The following SBNO1 variants were observed in gnomAD, a reference collection of about 807,000 sequenced individuals.
The protein encoded by SBNO1 is protein strawberry notch homolog 1.
In SBNO1, 23 loss-of-function variants were observed where a neutral mutation model predicts 173.6. That is an observed-to-expected ratio of 0.13 (90% CI 0.10 to 0.19). The LOEUF (loss-of-function observed/expected upper bound fraction) is 0.19. SBNO1 is among the 10% of genes least tolerant of loss of function. The pLI is 1.00. For synonymous variants in SBNO1, 632 were observed against 571.5 expected, an observed-to-expected ratio of 1.11 and a Z score of -1.51; for missense variants, 1,238 against 1,671.2, an observed-to-expected ratio of 0.74 and a Z score of 4.52.
rs2048543043 is a variant in SBNO1 at position 123,293,637 on chromosome 12, A to G, written c.*2271T>C. 4.6e-5 allele frequency: 7 copies of G among 152,110 alleles called. No homozygotes were observed. Among genetic ancestry groups the G allele is most frequent in the Admixed American group, 4.6e-4 (7 of 15,254 alleles). The allele number at this position is 152,110 out of a possible 1,614,324, so 9.4% of individuals were successfully genotyped here. A position where few individuals can be genotyped will look rare whatever the true frequency, so the allele number is the denominator to read the frequency against. ...TGAGAAAAAAAAATAGCTGTTCTAC[A>G]AAGAACCTAAGATACATACACTCCT... On this transcript the variant is annotated 3_prime_UTR_variant, in exon 32 of 32. Transcript: ENST00000602398.
At position 123,346,738 on chromosome 12, in the gene SBNO1, T is replaced by C. The variant is rs145903175; in HGVS notation, c.238-1168A>G. On this transcript the variant is annotated intron_variant, in intron 3 of 31. Transcript: ENST00000602398. ...CTTTTTTCAATATTTTGACTTGTCA[T>C]CAATGACCGTGTTATATATCTTCAC... Among the ~76,000 whole-genome samples, 1,346 of 152,144 alleles carry C rather than the reference T, an allele frequency of 8.8e-3. 23 individuals carry two copies. The highest frequency in any genetic ancestry group is 0.031 in the Middle Eastern group (9 of 294).
rs1385460831 is a variant in SBNO1, at chr12:123,298,119, G to A, written c.3898C>T (p.Arg1300Cys). ...SLGLVCEIGLRCRTYYVLCGS... is the reference protein window; with the variant it reads ...SLGLVCEIGLCCRTYYVLCGS... The stretch of plus-strand genomic sequence containing the variant: ...CATAATACATAATATGTACGGCAAC[G>A]AAGACCTATTTCACAAACTAGCCCC... The change falls in exon 31 of 32, where the codon CGT (arginine) becomes TGT (cysteine). Residue 1300 changes from arginine to cysteine, a missense_variant. Physicochemically the swap from Arg to Cys is radical, Grantham distance 180. Transcript: ENST00000602398. The A allele has an allele frequency of 4.3e-6, 7 of 1,610,996 alleles. No homozygotes were observed. The highest frequency in any genetic ancestry group is 2.7e-5 in the African/African-American group (2 of 74,748).
chr12:123,308,059 G>T (rs888260574), intron 28 of SBNO1, among the ~76,000 whole-genome samples: 1 of 151,998 alleles, frequency 6.6e-6, no homozygotes, highest in Non-Finnish European at 1.5e-5. Flanking sequence ...GCGACAGATT[G>T]AAACTGCCTC....
chr12:123,308,069 C>CA (rs1004466713), intron 28 of SBNO1, among the ~76,000 whole-genome samples: 3 of 152,034 alleles, frequency 2.0e-5, no homozygotes, highest in Non-Finnish European at 4.4e-5. Context: ...GAAACTGCCT[C>CA]AAAAAACAAA....
rs11057259 is a variant in SBNO1 at position 123,311,740 on chromosome 12, A to C, written c.3221-611T>G. On this transcript the variant is annotated intron_variant, in intron 24 of 31. Coordinates refer to ENST00000602398, the MANE Select transcript of SBNO1 (RefSeq NM_001167856.3). The stretch of plus-strand genomic sequence containing the variant: ...TCTATCTATATATATATATATATAT[A>C]TATATATATTTTTGCGACAGAGTCT... Among the ~76,000 whole-genome samples the C allele has an allele frequency of 2.8e-3, 336 of 121,202 alleles. 4 individuals carry two copies. In the South Asian group the frequency reaches 0.035, roughly 12 times the overall value. 79.5% of individuals were successfully genotyped at this position (121,202 alleles called of 152,430 possible).
intron 1 of SBNO1, among the ~76,000 whole-genome samples, chr12:123,355,920 G>T (rs1465800199): frequency 6.6e-6 from 1 of 152,156 alleles, no homozygotes; most frequent in Non-Finnish European, 1.5e-5. Context: ...GGCAGGAAGA[G>T]AATACTGAGA....
chr12:123,315,636 A>G lies in SBNO1; in HGVS notation c.2960T>C (p.Val987Ala). ...QFGRTHRSNQ[V>A]TAPEYVFLIS... ...CAGAAAGACATACTCAGGAGCAGTA[A>G]CTTGGTTTGATCTATGAGTACGTCC... is the stretch of plus-strand genomic sequence containing the variant. The change falls in exon 22 of 32, where the codon GTT becomes GCT. Residue 987 changes from valine (V) to alanine (A), a missense_variant. Val to Ala is a moderately conservative substitution (Grantham distance 64). Around this residue, in one of 14 missense-constraint regions of SBNO1, gnomAD observed 39 missense variants for 129.7 expected, o/e 0.30. Coordinates refer to ENST00000602398, the MANE Select transcript of SBNO1 (RefSeq NM_001167856.3). 1 of 1,613,536 alleles carries G rather than the reference A, an allele frequency of 6.2e-7. No individual in the cohort carries two copies. Among genetic ancestry groups the G allele is most frequent in the South Asian group, 1.1e-5 (1 of 91,072 alleles).
chr12:123,297,455 G>A (rs371169264), intron 31 of SBNO1, among the ~76,000 whole-genome samples: 5 of 112,526 alleles, frequency 4.4e-5, no homozygotes, highest in South Asian at 3.2e-4. Flanking sequence ...ATGAACTCCC[G>A]ATATGCAATC....
At chr12:123,313,747 C>A in intron 23 of SBNO1, 28 bp from the exon 24 acceptor site, 1 of 1,346,976 alleles carries the variant, frequency 7.4e-7, no homozygotes, top group Non-Finnish European at 1.1e-6. Flanking sequence ...AACCTTTAAC[C>A]AGTTTCAGCA....
At chr12:123,338,532 G>A (rs7952835) in intron 5 of SBNO1, among the ~76,000 whole-genome samples, 144,798 of 152,040 alleles carry the variant, frequency 0.95, 69,076 homozygotes, top group Non-Finnish European at 0.96. Flanking sequence ...AAATACAAAA[G>A]AAAATTAGCA....
At chr12:123,318,914 C>G (rs1869627280) in intron 20 of SBNO1, among the ~76,000 whole-genome samples, 1 of 150,986 alleles carries the variant, frequency 6.6e-6, no homozygotes, top group Non-Finnish European at 1.5e-5. Context: ...ATATTTTAGT[C>G]TCAAAATCGG....
chr12:123,336,462 T>C lies in SBNO1; in HGVS notation c.681A>G (p.Glu227=). The change falls in exon 6 of 32, where the codon GAA becomes GAG. Residue 227 remains glutamate (E), a synonymous_variant. Transcript: ENST00000602398. ...MKVPVVKEDD[E]PEEEDEEEMG... ...TTTCTTCTTCATCTTCTTCCTCTGG[T>C]TCATCATCTTCTTTTACAACAGGAA... The C allele has an allele frequency of 6.2e-7, 1 of 1,612,606 alleles. No individual in the cohort carries two copies. The highest frequency in any genetic ancestry group is 8.5e-7 in the Non-Finnish European group (1 of 1,179,242).
chr12:123,347,101 A>G (rs1474723525), intron 3 of SBNO1, among the ~76,000 whole-genome samples: 2 of 151,162 alleles, frequency 1.3e-5, no homozygotes, highest in African/African-American at 2.4e-5. Context: ...AAGAAACAAG[A>G]ATGAAAGAAA....
chr12:123,348,093 T>C lies in SBNO1; in HGVS notation c.173A>G (p.Glu58Gly). The change falls in exon 3 of 32, where the codon GAA becomes GGA. Residue 58 changes from glutamate (E) to glycine (G), a missense_variant. Physicochemically the swap from Glu to Gly is moderately conservative, Grantham distance 98. Coordinates refer to ENST00000602398, the MANE Select transcript of SBNO1 (RefSeq NM_001167856.3). Reference sequence around the variant, plus strand: ...TTCTTGTTTAACAGGAACTGCTGCTTCGGTCTCCAAACCTAGTTCTAATGC... The same window carrying C: ...TTCTTGTTTAACAGGAACTGCTGCTCCGGTCTCCAAACCTAGTTCTAATGC... ...LSALELGLET[E>G]AAVPVKQEPE... 6.2e-7 allele frequency: 1 copy of C among 1,612,164 alleles called. No homozygotes were observed. Among genetic ancestry groups the C allele is most frequent in the Non-Finnish European group, 8.5e-7 (1 of 1,178,496 alleles).
intron 30 of SBNO1, among the ~76,000 whole-genome samples, chr12:123,299,580 C>CT (rs2048714351): frequency 6.8e-6 from 1 of 147,030 alleles, no homozygotes; most frequent in Non-Finnish European, 1.5e-5. Context: ...ACTCGGGAGG[C>CT]TGAGGCAGAA....
At position 123,291,968 on chromosome 12, in the gene SBNO1, C is replaced by T. The variant is rs1451428204; in HGVS notation, c.*3940G>A. 5 of 150,558 alleles carry T rather than the reference C, an allele frequency of 3.3e-5. No individual in the cohort carries two copies. In the East Asian group the frequency reaches 7.8e-4, roughly 23 times the overall value. The allele number at this position is 150,558 out of a possible 1,614,324, so 9.3% of individuals were successfully genotyped here. On this transcript the variant is annotated 3_prime_UTR_variant, in exon 32 of 32. Coordinates refer to ENST00000602398, the MANE Select transcript of SBNO1 (RefSeq NM_001167856.3). The stretch of plus-strand genomic sequence containing the variant: ...GAGTTGCAGGTATTTAGGTGTGTTT[C>T]TGTCACTTAAAAGACACTGCATTTG...
intron 8 of SBNO1, 145 bp from the exon 9 acceptor site, chr12:123,330,654 C>T (rs1313311689): frequency 3.4e-6 from 2 of 591,674 alleles, no homozygotes; most frequent in Non-Finnish European, 5.8e-6. Context: ...AACACCATCC[C>T]ACTGAGTGCA....
chr12:123,314,269 C>A (rs911873881), intron 23 of SBNO1, among the ~76,000 whole-genome samples: 2 of 151,720 alleles, frequency 1.3e-5, no homozygotes, highest in African/African-American at 2.4e-5. Flanking sequence ...TGGGTTCAAG[C>A]GGTTCTCCTG....
At position 123,321,688 on chromosome 12, in the gene SBNO1, C is replaced by T; in HGVS notation, c.2170G>A (p.Gly724Ser). ...TCGTCAGAACTGCTACCAGTAAGGCCACCTACTTTTCGTGCTTTTTTGGCT... is the reference window on the plus strand; with the variant it reads ...TCGTCAGAACTGCTACCAGTAAGGCTACCTACTTTTCGTGCTTTTTTGGCT... The part of the protein sequence containing the change: ...REAKKARKVG[G>S]LTGSSSDDSG... Residue 724 changes from glycine (G) to serine (S), a missense_variant, in exon 17 of 32, where the codon GGC (glycine) becomes AGC (serine). Physicochemically the swap from Gly to Ser is moderately conservative, Grantham distance 56 (BLOSUM62 0). This residue lies in a region of SBNO1 where 81 missense variants were observed against 82.6 expected (regional missense o/e 0.98). Transcript: ENST00000602398. 1.9e-6 allele frequency: 3 copies of T among 1,614,054 alleles called. No homozygotes were observed. Among genetic ancestry groups the T allele is most frequent in the Non-Finnish European group, 2.5e-6 (3 of 1,180,010 alleles).
Sources: gnomAD v4.1 joint callset for allele counts (sites outside exome capture counted in the v4.1 genomes callset) on GRCh38, gnomAD v4.1.1 for gene constraint, gnomAD v4.1.1 regional missense constraint, MANE v1.5 for transcripts, NCBI Gene and HGNC (gene_info 2026-07-23, HGNC 2026-07-21) for gene names.